ABCA4: variants seen among roughly 807,000 people sequenced by gnomAD.
ABCA4 encodes the protein ATP binding cassette subfamily A member 4, also known as retinal-specific phospholipid-transporting ATPase ABCA4.
A neutral mutation model predicts 263.7 loss-of-function variants in ABCA4; 196 were observed. That is an observed-to-expected ratio of 0.74 (90% CI 0.66 to 0.84). The LOEUF is 0.84. Ranked by LOEUF, ABCA4 falls within the 40% of genes least tolerant of loss-of-function variation. The probability of loss-of-function intolerance (pLI) is 0.00; values close to 1 mark genes in which losing one functional copy is unlikely to be tolerated. For missense variants in ABCA4, 2,792 were observed against 2,855.1 expected (o/e 0.98, Z 0.50); for synonymous variants, 1,133 against 1,094.2 (o/e 1.04, Z -0.70).
chr1:94,053,038 A>G (rs117883910), intron 16 of ABCA4, among the ~76,000 whole-genome samples: 1 of 152,260 alleles, frequency 6.6e-6, no homozygotes, highest in East Asian at 1.9e-4. Context: ...ATAGGGTTAT[A>G]AAAACTCTCG....
At chr1:94,006,247 T>C (rs1283882851) in intron 43 of ABCA4, among the ~76,000 whole-genome samples, 1 of 151,786 alleles carries the variant, frequency 6.6e-6, no homozygotes, top group South Asian at 2.1e-4. Context: ...AGAGAGACCA[T>C]TACAGTTCCC....
chr1:94,108,286 C>A (rs1662497358), intron 4 of ABCA4, among the ~76,000 whole-genome samples: 2 of 152,178 alleles, frequency 1.3e-5, no homozygotes, highest in African/African-American at 4.8e-5. Flanking sequence ...CTGCTTCTAG[C>A]CCTTGACCTA....
chr1:94,046,089 C>T (rs2101055440), intron 19 of ABCA4: 1 of 372,804 alleles, frequency 2.7e-6, no homozygotes, highest in East Asian at 7.3e-5. Flanking sequence ...ACCACTAACC[C>T]TCATCAGCTG....
intron 3 of ABCA4, among the ~76,000 whole-genome samples, chr1:94,109,614 C>A (rs1185704078): frequency 6.6e-6 from 1 of 152,142 alleles, no homozygotes; most frequent in East Asian, 1.9e-4. Flanking sequence ...GCAGGGGAGA[C>A]TGGTCCATGG....
chr1:94,001,164 C>T, intron 45 of ABCA4, 59 bp from the exon 46 acceptor site: 1 of 1,419,188 alleles, frequency 7.0e-7, no homozygotes, highest in Non-Finnish European at 9.9e-7. Flanking sequence ...CTGATTACTG[C>T]TTCCCCCTGG....
rs1662782167 is a variant in ABCA4 at position 94,116,953 on chromosome 1, C to CTCCT, written c.67-3891_67-3888dup. Among the ~76,000 whole-genome samples, 3 of 134,730 alleles carry CTCCT rather than the reference C, an allele frequency of 2.2e-5. No homozygotes were observed. The South Asian group carries it at 8.3e-4, about 37-fold the overall frequency. The allele number at this position is 134,730 out of a possible 152,430, so 88.4% of individuals were successfully genotyped here. A position where few individuals can be genotyped will look rare whatever the true frequency, so the allele number is the denominator to read the frequency against. ...TTTTCTTTTCCCCTTCCCTCCCTCC[C>CTCCT]TCCTTTCTTTCTTTCTCTTTCTTTC... On this transcript the variant is annotated intron_variant, in intron 1 of 49. Transcript: ENST00000370225.
intron 26 of ABCA4, among the ~76,000 whole-genome samples, chr1:94,035,552 G>A (rs1557775025): frequency 6.6e-6 from 1 of 152,194 alleles, no homozygotes; most frequent in Non-Finnish European, 1.5e-5. Context: ...TGAAAACCAA[G>A]TTATCTTAAG....
intron 6 of ABCA4, 128 bp from the exon 7 acceptor site, chr1:94,083,569 T>A (rs1661759476): frequency 1.5e-6 from 1 of 686,974 alleles, no homozygotes; most frequent in Admixed American, 2.6e-5. Context: ...GCAGGATCTT[T>A]TCTGCAAGAT....
At chr1:94,115,164 C>T (rs560848477) in intron 1 of ABCA4, among the ~76,000 whole-genome samples, 7 of 152,282 alleles carry the variant, frequency 4.6e-5, no homozygotes, top group African/African-American at 1.2e-4. Context: ...AAGATAGCAA[C>T]GTTGAGTGAT....
At chr1:94,082,566 T>G (rs1312894567) in intron 7 of ABCA4, among the ~76,000 whole-genome samples, 2 of 152,212 alleles carry the variant, frequency 1.3e-5, no homozygotes, top group Admixed American at 6.5e-5. Flanking sequence ...TCGGCCCAGG[T>G]TGAGATGCGT....
intron 14 of ABCA4, among the ~76,000 whole-genome samples, chr1:94,060,332 G>A (rs1307746104): frequency 1.3e-5 from 2 of 152,228 alleles, no homozygotes; most frequent in Non-Finnish European, 2.9e-5. Flanking sequence ...GGAAGTGGGA[G>A]ATGGGAGGAT....
chr1:94,049,008 G>A (rs1178282761), intron 17 of ABCA4, 51 bp from the exon 18 acceptor site: 5 of 1,586,910 alleles, frequency 3.2e-6, no homozygotes, highest in Non-Finnish European at 4.3e-6. Context: ...CTGAGAACGA[G>A]CAAAGGCAGG....
intron 36 of ABCA4, chr1:94,019,347 C>T (rs925793598): frequency 1.7e-5 from 9 of 528,680 alleles, no homozygotes; most frequent in Middle Eastern, 5.2e-4. Flanking sequence ...AGAGAGCCCC[C>T]GTTCACCAGT....
intron 42 of ABCA4, 143 bp from the exon 43 acceptor site, chr1:94,007,883 T>A (rs1348875548): frequency 1.3e-6 from 1 of 762,482 alleles, no homozygotes; most frequent in East Asian, 2.7e-5. Flanking sequence ...ATGTGGCTAC[T>A]AAGCACTTGA....
At chr1:94,093,107 G>GC (rs1242738737) in intron 6 of ABCA4, among the ~76,000 whole-genome samples, 1 of 152,182 alleles carries the variant, frequency 6.6e-6, no homozygotes, top group African/African-American at 2.4e-5. Context: ...TGGTCCTCAC[G>GC]CCATTGGATC....
intron 11 of ABCA4, among the ~76,000 whole-genome samples, chr1:94,069,696 T>C (rs1347601377): frequency 6.6e-6 from 1 of 152,176 alleles, no homozygotes; most frequent in Non-Finnish European, 1.5e-5. Flanking sequence ...TCCCACTACA[T>C]GGAAAAATCC....
At chr1:94,046,450 T>C (rs1462524551) in intron 19 of ABCA4, among the ~76,000 whole-genome samples, 1 of 13,340 alleles carries the variant, frequency 7.5e-5, no homozygotes, top group East Asian at 0.022. Context: ...TAATGGTTAC[T>C]ATCTCAAAAA....
intron 18 of ABCA4, 112 bp downstream of exon 18, chr1:94,048,756 T>C (rs1473207516): frequency 1.0e-6 from 1 of 999,400 alleles, no homozygotes; most frequent in Non-Finnish European, 1.6e-6. Context: ...ACAGAGAGAG[T>C]CAGTTTCCTA....
At chr1:94,043,191 G>C in intron 21 of ABCA4, 145 bp downstream of exon 21, 2 of 1,191,388 alleles carry the variant, frequency 1.7e-6, no homozygotes, top group Non-Finnish European at 2.4e-6. Flanking sequence ...TGATCTGGGG[G>C]CTGCTCTTAG....
Sources: gnomAD v4.1 joint callset for allele counts (sites outside exome capture counted in the v4.1 genomes callset) on GRCh38, gnomAD v4.1.1 for gene constraint, MANE v1.5 for transcripts, NCBI Gene and HGNC (gene_info 2026-07-23, HGNC 2026-07-21) for gene names.